STAM2: variants seen among roughly 807,000 people sequenced by gnomAD.
The protein encoded by STAM2 is signal transducing adaptor molecule 2.
In STAM2, 51 loss-of-function variants were observed where a neutral mutation model predicts 65.6. That is an observed-to-expected ratio of 0.78 (90% confidence interval 0.62 to 0.98). STAM2 has a LOEUF of 0.98. Among genes scored for constraint, STAM2 ranks in the 50% least tolerant of loss-of-function variants. The pLI is 0.00. For synonymous variants in STAM2, 198 were observed against 208.4 expected (o/e 0.95, Z 0.43); for missense variants, 584 against 617.8 (o/e 0.95, Z 0.58).
At chr2:152,169,414 C>A (rs1424580049) in intron 1 of STAM2, among the ~76,000 whole-genome samples, 1 of 152,000 alleles carries the variant, frequency 6.6e-6, no homozygotes, top group Non-Finnish European at 1.5e-5. Flanking sequence ...GTAGCTCGGA[C>A]TACAGGTGCG....
intron 12 of STAM2, chr2:152,124,199 A>G: frequency 2.6e-6 from 1 of 389,174 alleles, no homozygotes; most frequent in South Asian, 3.2e-5. Context: ...TAAGTAGTGG[A>G]TTGCAATCTA....
intron 1 of STAM2, 42 bp downstream of exon 1, chr2:152,175,561 G>A (rs1438368781): frequency 1.2e-6 from 2 of 1,613,212 alleles, no homozygotes; most frequent in Non-Finnish European, 1.7e-6. Flanking sequence ...CAGCAGTCCA[G>A]GGCCAGGCAC....
intron 1 of STAM2, among the ~76,000 whole-genome samples, chr2:152,168,372 C>T (rs1338321991): frequency 6.6e-6 from 1 of 152,124 alleles, no homozygotes; most frequent in Non-Finnish European, 1.5e-5. Context: ...GTTGGTCAGG[C>T]TGGTCTCGAA....
chr2:152,156,895 A>C (rs931428587), intron 1 of STAM2, among the ~76,000 whole-genome samples: 4 of 152,190 alleles, frequency 2.6e-5, no homozygotes, highest in African/African-American at 7.2e-5. Flanking sequence ...CAAACATGAT[A>C]GAATATCTGG....
intron 7 of STAM2, among the ~76,000 whole-genome samples, chr2:152,142,095 A>G (rs1167261332): frequency 2.0e-5 from 3 of 152,200 alleles, no homozygotes; most frequent in Admixed American, 1.3e-4. Flanking sequence ...GCGATTACCA[A>G]TCACCTAAAA....
At chr2:152,155,688 G>A (rs1301963988) in intron 1 of STAM2, among the ~76,000 whole-genome samples, 1 of 152,154 alleles carries the variant, frequency 6.6e-6, no homozygotes, top group Non-Finnish European at 1.5e-5. Flanking sequence ...TGCAGTTTTT[G>A]CTATAACAGA....
At position 152,120,537 on chromosome 2, in the gene STAM2, A is replaced by G; in HGVS notation, c.*37T>C. On this transcript the variant is annotated 3_prime_UTR_variant, in exon 14 of 14. Coordinates refer to ENST00000263904, the MANE Select transcript of STAM2 (RefSeq NM_005843.6). ...TGGTATCACAAGGACTGAATAATAC[A>G]CTTATGAAGGCTTTCAAGAAAATGC... 1 of 1,578,746 alleles carries G rather than the reference A, an allele frequency of 6.3e-7. No individual in the cohort carries two copies. Among genetic ancestry groups the G allele is most frequent in the African/African-American group, 1.3e-5 (1 of 74,330 alleles).
Position 152,148,050 on chromosome 2 carries a change from C to A in STAM2, c.274G>T (p.Glu92Ter). The A allele has an allele frequency of 6.2e-7, 1 of 1,610,404 alleles. No homozygotes were observed. The highest frequency in any genetic ancestry group is 8.5e-7 in the Non-Finnish European group (1 of 1,178,218). Residue 92 changes from glutamate (E) to a stop codon, truncating the protein, a stop_gained, in exon 4 of 14, where the codon GAA (glutamate) becomes TAA (stop). Transcript: ENST00000263904. LOFTEE classifies it high-confidence loss of function. ...LEVCSRDFAT[E>*]VRAVIKNKAH... ...TTATTTTTAATCACAGCACGTACTT[C>A]TGTTGCAAAATCACGGGAACATACT...
chr2:152,152,960 GAA>G (rs1689475204), intron 1 of STAM2, among the ~76,000 whole-genome samples: 1 of 152,116 alleles, frequency 6.6e-6, no homozygotes, highest in Non-Finnish European at 1.5e-5. Context: ...TATGTATGTA[GAA>G]AATATTTTCA....
At chr2:152,166,773 CT>C (rs909618892) in intron 1 of STAM2, among the ~76,000 whole-genome samples, 1 of 152,038 alleles carries the variant, frequency 6.6e-6, no homozygotes. Flanking sequence ...TTAAGCAGAT[CT>C]TTTTTTAGAA....
intron 7 of STAM2, among the ~76,000 whole-genome samples, chr2:152,136,642 T>A (rs372895370): frequency 7.9e-4 from 120 of 152,196 alleles, no homozygotes; most frequent in African/African-American, 2.8e-3. Flanking sequence ...TGCTAATCCA[T>A]ACAGACCTTT....
In STAM2 at chr2:152,123,946, G is replaced by T. The variant is rs369842561; in HGVS notation, c.1180-11C>A. 250 of 1,606,884 alleles carry T rather than the reference G, an allele frequency of 1.6e-4. No individual in the cohort carries two copies. In the African/African-American group the frequency reaches 3.0e-3, roughly 19 times the overall value. ...TTGAACTGGATATGTCTATTAATCA[G>T]AAAGAAAAAGTTGATTCACTCATCT... On this transcript the variant is annotated splice_polypyrimidine_tract_variant and intron_variant, in intron 12 of 13. Coordinates refer to ENST00000263904, the MANE Select transcript of STAM2 (RefSeq NM_005843.6).
chr2:152,133,510 T>C (rs766686690), intron 8 of STAM2, 26 bp from the exon 9 acceptor site: 12 of 1,566,536 alleles, frequency 7.7e-6, no homozygotes, highest in Non-Finnish European at 1.1e-5. Flanking sequence ...AATTTTAAGT[T>C]CCTCAGCATT....
At chr2:152,155,885 T>C (rs1689533523) in intron 1 of STAM2, among the ~76,000 whole-genome samples, 1 of 152,200 alleles carries the variant, frequency 6.6e-6, no homozygotes, top group African/African-American at 2.4e-5. Context: ...GAAAAATATT[T>C]TTACGAATTT....
intron 1 of STAM2, among the ~76,000 whole-genome samples, chr2:152,174,821 C>T (rs1381175147): frequency 6.6e-6 from 1 of 152,206 alleles, no homozygotes; most frequent in Non-Finnish European, 1.5e-5. Flanking sequence ...TTCGAGAATA[C>T]ATACATATAT....
intron 12 of STAM2, 154 bp downstream of exon 12, chr2:152,126,072 A>C: frequency 1.6e-6 from 1 of 615,332 alleles, no homozygotes; most frequent in Non-Finnish European, 2.5e-6. Flanking sequence ...GGTGAATGTT[A>C]ATTGTTTAGC....
intron 5 of STAM2, 81 bp downstream of exon 5, chr2:152,147,081 C>T (rs1286054685): frequency 1.5e-6 from 2 of 1,306,234 alleles, no homozygotes; most frequent in East Asian, 2.6e-5. Context: ...ATAATCTAGA[C>T]ATACCTTGCC....
At chr2:152,145,098 G>C in intron 5 of STAM2, 141 bp from the exon 6 acceptor site, 1 of 669,970 alleles carries the variant, frequency 1.5e-6, no homozygotes, top group Non-Finnish European at 2.6e-6. Context: ...TTGAGACAGG[G>C]TCTCATTCTG....
At chr2:152,146,961 T>TTCACAAGG (rs1312349954) in intron 5 of STAM2, among the ~76,000 whole-genome samples, 4 of 152,332 alleles carry the variant, frequency 2.6e-5, no homozygotes, top group Admixed American at 1.3e-4. Flanking sequence ...TCTGATTAAC[T>TTCACAAGG]TCACAAGGTT....
Sources: allele counts gnomAD v4.1 joint callset (sites outside exome capture counted in the v4.1 genomes callset), GRCh38; gene constraint gnomAD v4.1.1; transcripts MANE v1.5; gene names NCBI Gene and HGNC (gene_info 2026-07-23, HGNC 2026-07-21).